TSPOAP1: variants seen among roughly 807,000 people sequenced by gnomAD.
The protein encoded by TSPOAP1 is peripheral-type benzodiazepine receptor-associated protein 1.
Under a neutral mutation model 197.0 loss-of-function variants are expected in TSPOAP1, and 87 were observed. The ratio of observed to expected loss-of-function variants is 0.44; its 90% confidence interval spans 0.37 to 0.53. The LOEUF (loss-of-function observed/expected upper bound fraction) is 0.53. Among genes scored for constraint, TSPOAP1 ranks in the 20% least tolerant of loss-of-function variants. The pLI, the probability that TSPOAP1 is intolerant of heterozygous loss-of-function variation, is 0.00. For missense variants in TSPOAP1, 2,174 were observed against 2,411.3 expected (o/e 0.90, Z 2.06); for synonymous variants, 913 against 998.9 (o/e 0.91, Z 1.62).
chr17:58,302,496 A>G, intron 31 of TSPOAP1, 49 bp from the exon 32 acceptor site: 1 of 1,162,198 alleles, frequency 8.6e-7, no homozygotes, highest in Non-Finnish European at 1.1e-6. Flanking sequence ...TTCCCTCCTG[A>G]CCCCCTGACC....
chr17:58,325,457 T>A lies in TSPOAP1; in HGVS notation c.750+77A>T, dbSNP rs565278701. The A allele has an allele frequency of 4.9e-5, 77 of 1,570,150 alleles. No individual in the cohort carries two copies. The South Asian group carries it at 8.4e-4, about 17-fold the overall frequency. ...CCCTTTCATTTGCGTCTCATTAACA[T>A]CTTGTCTGCATCCCACAACAGGCAG... is the stretch of plus-strand genomic sequence containing the variant. On this transcript the variant is annotated intron_variant, in intron 4 of 31. Coordinates refer to ENST00000343736, the MANE Select transcript of TSPOAP1 (RefSeq NM_004758.4).
Position 58,318,356 on chromosome 17 carries a change from T to C in TSPOAP1, c.1796A>G (p.Lys599Arg), listed in dbSNP as rs1316556143. The change falls in exon 14 of 32, where the codon AAG becomes AGG. Residue 599 changes from lysine to arginine, a missense_variant. By Grantham distance (26) the Lys-to-Arg change is conservative (BLOSUM62 2). Coordinates refer to ENST00000343736, the MANE Select transcript of TSPOAP1 (RefSeq NM_004758.4). ...TLTGVPRRTA[K>R]KAESLSNSSH... The stretch of plus-strand genomic sequence containing the variant: ...GGAGTTGGAGAGAGACTCTGCCTTC[T>C]TGGCTGTCCTTCGAGGGACCCCAGT... 1.2e-6 allele frequency: 2 copies of C among 1,614,048 alleles called. No individual in the cohort carries two copies. The highest frequency in any genetic ancestry group is 2.7e-5 in the African/African-American group (2 of 74,924).
At position 58,327,763 on chromosome 17, in the gene TSPOAP1, T is replaced by G. The variant is rs1971695480; in HGVS notation, c.158A>C (p.Gln53Pro). 1 of 1,614,194 alleles carries G rather than the reference T, an allele frequency of 6.2e-7. No individual in the cohort carries two copies. The highest frequency in any genetic ancestry group is 1.1e-5 in the South Asian group (1 of 91,092). The change falls in exon 1 of 32, where the codon CAA becomes CCA. Residue 53 changes from glutamine to proline, a missense_variant. Coordinates refer to ENST00000343736, the MANE Select transcript of TSPOAP1 (RefSeq NM_004758.4). ...ADTPPAALQL[Q>P]ELRSEESSKP... ...GGAACTCTCCTCAGACCTCAGTTCT[T>G]GAAGCTGCAGAGCTGCCGGAGGAGT...
Position 58,309,920 on chromosome 17 carries a change from C to T in TSPOAP1, c.3891+47G>A. ...CCTGCTGACACACAGTGGGGAGGCC[C>T]CGGAGTTTGAGGCCTGGGGCCCAAC... On this transcript the variant is annotated intron_variant, in intron 21 of 31. Coordinates refer to ENST00000343736, the MANE Select transcript of TSPOAP1 (RefSeq NM_004758.4). The surrounding 1 kb of genome is among the most constrained non-coding windows in gnomAD (Gnocchi z 5.0). 3 of 1,564,762 alleles carry T rather than the reference C, an allele frequency of 1.9e-6. No homozygotes were observed. Among genetic ancestry groups the T allele is most frequent in the Non-Finnish European group, 2.6e-6 (3 of 1,154,450 alleles).
chr17:58,319,516 C>T (rs1312289272), intron 12 of TSPOAP1, among the ~76,000 whole-genome samples: 1 of 152,262 alleles, frequency 6.6e-6, no homozygotes, highest in African/African-American at 2.4e-5. Flanking sequence ...CCAGCCCCCT[C>T]CAGAGCCAAG....
Position 58,326,989 on chromosome 17 carries a change from C to G in TSPOAP1, c.334-199G>C, listed in dbSNP as rs1457904927. On this transcript the variant is annotated intron_variant, in intron 1 of 31. Transcript: ENST00000343736. The surrounding 1 kb of genome is among the most constrained non-coding windows in gnomAD (Gnocchi z 4.7). ...CCAGTCCTCCCTGTCCACATAGACACCCCCAAACCTGGCACCCTCCTGCTC... is the reference window on the plus strand; with the variant it reads ...CCAGTCCTCCCTGTCCACATAGACAGCCCCAAACCTGGCACCCTCCTGCTC... Among the ~76,000 whole-genome samples, 1 of 152,116 alleles carries G rather than the reference C, an allele frequency of 6.6e-6. No homozygotes were observed. The highest frequency in any genetic ancestry group is 1.5e-5 in the Non-Finnish European group (1 of 68,010).
In TSPOAP1 at chr17:58,320,208, A is replaced by C. The variant is rs979852122; in HGVS notation, c.1474-79T>G. On this transcript the variant is annotated intron_variant, in intron 11 of 31. Transcript: ENST00000343736. ...GCTAACCCAGAGAGGGAGGCGGAGA[A>C]GGGGGCCTAAGTGGATATCATCCAG... 4 of 1,542,462 alleles carry C rather than the reference A, an allele frequency of 2.6e-6. No homozygotes were observed. In the African/African-American group the frequency reaches 5.4e-5, roughly 21 times the overall value.
intron 11 of TSPOAP1, 139 bp downstream of exon 11, chr17:58,320,392 C>G (rs775946989): frequency 8.4e-5 from 92 of 1,100,420 alleles, no homozygotes; most frequent in Non-Finnish European, 1.1e-4. Flanking sequence ...GTGGAGGGGA[C>G]TCCCCCAGGT....
Position 58,305,164 on chromosome 17 carries a change from A to C in TSPOAP1, c.5441T>G (p.Leu1814Ter). The change falls in exon 30 of 32, where the codon TTA (leucine) becomes TGA (stop). Residue 1814 changes from leucine to a stop codon, truncating the protein, a stop_gained. Coordinates refer to ENST00000343736, the MANE Select transcript of TSPOAP1 (RefSeq NM_004758.4). LOFTEE classifies it high-confidence loss of function. ...MDDDGFYYGE[L>*]NGQRGLVPSN... is the part of the protein sequence containing the mutation. ...TGGAACCAGGCCCCTTTGTCCATTT[A>C]ATTCCCCCTGGAGAGAAGAGGCCGG... The C allele has an allele frequency of 6.2e-7, 1 of 1,612,376 alleles. No homozygotes were observed. Among genetic ancestry groups the C allele is most frequent in the Non-Finnish European group, 8.5e-7 (1 of 1,178,572 alleles).
At position 58,309,155 on chromosome 17, in the gene TSPOAP1, G is replaced by A; in HGVS notation, c.4117C>T (p.Gln1373Ter). The change falls in exon 22 of 32, where the codon CAG becomes TAG. Residue 1373 changes from glutamine (Q) to a stop codon, truncating the protein, a stop_gained. Coordinates refer to ENST00000343736, the MANE Select transcript of TSPOAP1 (RefSeq NM_004758.4). LOFTEE classifies it high-confidence loss of function. This position sits in a 1 kb window ranked among gnomAD's most constrained non-coding sequence, Gnocchi z 5.0. ...GGACACTGGCCAGGTCTTCGGGGCT[G>A]ACCACTGTCACAGCCCAGCCCCAGC... is the stretch of plus-strand genomic sequence containing the variant. ...ALLGLGCDSG[Q>*]PRRPGQCPLS... 1 of 1,613,972 alleles carries A rather than the reference G, an allele frequency of 6.2e-7. No individual in the cohort carries two copies. Among genetic ancestry groups the A allele is most frequent in the Non-Finnish European group, 8.5e-7 (1 of 1,180,034 alleles).
Position 58,326,020 on chromosome 17 carries a change from G to A in TSPOAP1, c.570+273C>T, listed in dbSNP as rs1178084764. Among the ~76,000 whole-genome samples, 6 of 152,266 alleles carry A rather than the reference G, an allele frequency of 3.9e-5. No individual in the cohort carries two copies. Among genetic ancestry groups the A allele is most frequent in the East Asian group, 3.9e-4 (2 of 5,186 alleles). The stretch of plus-strand genomic sequence containing the variant: ...GAGATGAGCTCAGCAGAAGGCTGCC[G>A]CCAGCACCAGCACGTGGTAATCCAG... On this transcript the variant is annotated intron_variant, in intron 3 of 31. Coordinates refer to ENST00000343736, the MANE Select transcript of TSPOAP1 (RefSeq NM_004758.4). This position sits in a 1 kb window ranked among gnomAD's most constrained non-coding sequence, Gnocchi z 4.7.
At chr17:58,318,216 G>A in intron 14 of TSPOAP1, 64 bp downstream of exon 14, 1 of 1,574,098 alleles carries the variant, frequency 6.4e-7, no homozygotes, top group East Asian at 2.3e-5. Context: ...AGAGGTCAGG[G>A]CCACCTGCCC....
chr17:58,324,969 C>T lies in TSPOAP1; in HGVS notation c.784G>A (p.Asp262Asn). 6.5e-7 allele frequency: 1 copy of T among 1,538,720 alleles called. No homozygotes were observed. ...GPQWLHVRDF[D>N]RLLRESQREV... Reference sequence around the variant, plus strand: ...CGCTGGGACTCGCGCAGCAGCCGATCGAAGTCCCGCACGTGGAGCCACTGG... The same window carrying T: ...CGCTGGGACTCGCGCAGCAGCCGATTGAAGTCCCGCACGTGGAGCCACTGG... The change falls in exon 5 of 32, where the codon GAT becomes AAT. Residue 262 changes from aspartate (D) to asparagine (N), a missense_variant. Asp to Asn is a conservative substitution (Grantham distance 23, BLOSUM62 1). Transcript: ENST00000343736. This position sits in a 1 kb window ranked among gnomAD's most constrained non-coding sequence, Gnocchi z 5.8.
chr17:58,327,573 C>A lies in TSPOAP1; in HGVS notation c.333+15G>T, dbSNP rs117515309. 0.032 allele frequency: 51,441 copies of A among 1,606,976 alleles called. 982 individuals are homozygous for A. The highest frequency in any genetic ancestry group is 0.057 in the East Asian group (2,559 of 44,730). Reference sequence around the variant, plus strand: ...CCCCCACCTTGCAGACCCCAGCCCTCCACAGATCCCTTACCTTCAGGAAAG... The same window carrying A: ...CCCCCACCTTGCAGACCCCAGCCCTACACAGATCCCTTACCTTCAGGAAAG... On this transcript the variant is annotated intron_variant, in intron 1 of 31. Transcript: ENST00000343736.
intron 14 of TSPOAP1, among the ~76,000 whole-genome samples, chr17:58,317,671 AAAG>A (rs1971280602): frequency 6.6e-6 from 1 of 152,158 alleles, no homozygotes; most frequent in African/African-American, 2.4e-5. Context: ...TTGTGGGTAG[AAAG>A]AAGGATGAGT....
chr17:58,309,237 C>CTCCGCCTCG lies in TSPOAP1; in HGVS notation c.4034_4035insCGAGGCGGA (p.Glu1344_Glu1345insAspGluAla), dbSNP rs1567840634. The CTCCGCCTCG allele has an allele frequency of 6.4e-7, 1 of 1,570,498 alleles. No individual in the cohort carries two copies. The highest frequency in any genetic ancestry group is 8.8e-7 in the Non-Finnish European group (1 of 1,140,898). On this transcript the variant is annotated inframe_insertion, in exon 22 of 32. Transcript: ENST00000343736. This position sits in a 1 kb window ranked among gnomAD's most constrained non-coding sequence, Gnocchi z 5.0. ...AAGAACAGCCTGCCCCTGACTTCTC[C>CTCCGCCTCG]TCCTCCTCGTCCTCCTCTTCCTCTT... is the stretch of plus-strand genomic sequence containing the variant.
intron 14 of TSPOAP1, 73 bp downstream of exon 14, chr17:58,318,207 G>A: frequency 6.5e-7 from 1 of 1,538,498 alleles, no homozygotes; most frequent in Non-Finnish European, 8.8e-7. Flanking sequence ...GACCCCAGAA[G>A]AGGTCAGGGC....
rs776331422 is a variant in TSPOAP1 at position 58,304,376 on chromosome 17, C to A, written c.5568G>T (p.Gln1856His). 31 of 1,613,742 alleles carry A rather than the reference C, an allele frequency of 1.9e-5. No individual in the cohort carries two copies. Among genetic ancestry groups the A allele is most frequent in the Admixed American group, 1.7e-5 (1 of 60,004 alleles). Residue 1856 changes from glutamine to histidine, a missense_variant, in exon 31 of 32, where the codon CAG (glutamine) becomes CAT (histidine). By Grantham distance (24) the Gln-to-His change is conservative (BLOSUM62 0). Transcript: ENST00000343736. This position sits in a 1 kb window ranked among gnomAD's most constrained non-coding sequence, Gnocchi z 4.2. ...TACATATATCTATCTCCATCTAGCA[C>A]TGGACTCTTCTCCTCCTCGTTCTCT... ...ESQRTRRRRVQC is the reference protein window; with the variant it reads ...ESQRTRRRRVHC
chr17:58,305,745 C>G lies in TSPOAP1; in HGVS notation c.5257+88G>C, dbSNP rs1198459805. 3.2e-6 allele frequency: 5 copies of G among 1,551,172 alleles called. No individual in the cohort carries two copies. The Admixed American group carries it at 8.6e-5, about 27-fold the overall frequency. On this transcript the variant is annotated intron_variant, in intron 27 of 31. Transcript: ENST00000343736. ...TGCTGACCCCCTGTCACCACCTCCC[C>G]ACTAGCTGTAGCCAATGGGGCGAGG... is the stretch of plus-strand genomic sequence containing the variant.
Sources: allele counts gnomAD v4.1 joint callset (sites outside exome capture counted in the v4.1 genomes callset), GRCh38; gene constraint gnomAD v4.1.1; non-coding constraint Gnocchi (gnomAD v3.1); transcripts MANE v1.5; gene names NCBI Gene and HGNC (gene_info 2026-07-23, HGNC 2026-07-21).